CFTR: variants seen among roughly 807,000 people sequenced by gnomAD.
CFTR encodes cystic fibrosis transmembrane conductance regulator.
Under a neutral mutation model 171.6 loss-of-function variants are expected in CFTR, and 181 were observed. The observed-to-expected ratio is 1.05, with a 90% CI of 0.93 to 1.19. The LOEUF is 1.19. Among genes scored for constraint, CFTR ranks in the 50% most tolerant of loss-of-function variants. The pLI, the probability that CFTR is intolerant of heterozygous loss-of-function variation, is 0.00. For synonymous variants in CFTR, 583 were observed against 608.0 expected, an observed-to-expected ratio of 0.96 and a Z score of 0.60; for missense variants, 1,968 against 1,734.7, an observed-to-expected ratio of 1.13 and a Z score of -2.39.
At position 117,535,286 on chromosome 7, in the gene CFTR, G is replaced by A; in HGVS notation, c.618G>A (p.Leu206=). 1 of 1,613,732 alleles carries A rather than the reference G, an allele frequency of 6.2e-7. No homozygotes were observed. The change falls in exon 6 of 27, where the codon TTG becomes TTA. Residue 206 remains leucine (L), a synonymous_variant. Coordinates refer to ENST00000003084, the MANE Select transcript of CFTR (RefSeq NM_000492.4). ...ALAHFVWIAP[L]QVALLMGLIW... is the part of the protein sequence containing the mutation. ...CACATTTCGTGTGGATCGCTCCTTT[G>A]CAAGTGGCACTCCTCATGGGGCTAA...
At chr7:117,665,408 A>T (rs114919570) in intron 25 of CFTR, 51 bp from the exon 26 acceptor site, 1 of 1,038,090 alleles carries the variant, frequency 9.6e-7, no homozygotes, top group Non-Finnish European at 1.5e-6. Flanking sequence ...AGGTAAATAC[A>T]GATCATTACT....
At chr7:117,597,465 C>T (rs1381101058) in intron 15 of CFTR, among the ~76,000 whole-genome samples, 4 of 152,124 alleles carry the variant, frequency 2.6e-5, no homozygotes, top group Non-Finnish European at 4.4e-5. Context: ...TTGTCTTGGG[C>T]CACACATAAA....
Position 117,591,932 on chromosome 7 carries a change from A to C in CFTR, c.1767-2A>C. The C allele has an allele frequency of 6.4e-7, 1 of 1,557,506 alleles. No individual in the cohort carries two copies. The highest frequency in any genetic ancestry group is 1.2e-5 in the South Asian group (1 of 83,836). Reference sequence around the variant, plus strand: ...ATATTTATATGTTTTTATATCTTAAAGCTGTGTCTGTAAACTGATGGCTAA... The same window carrying C: ...ATATTTATATGTTTTTATATCTTAACGCTGTGTCTGTAAACTGATGGCTAA... On this transcript the variant is annotated splice_acceptor_variant, in intron 13 of 26. Coordinates refer to ENST00000003084, the MANE Select transcript of CFTR (RefSeq NM_000492.4). LOFTEE classifies it high-confidence loss of function.
intron 22 of CFTR, among the ~76,000 whole-genome samples, chr7:117,630,495 C>T (rs926889458): frequency 1.3e-5 from 2 of 152,062 alleles, no homozygotes; most frequent in African/African-American, 4.8e-5. Flanking sequence ...AATTTAGGCA[C>T]ACAGATACAT....
At position 117,536,045 on chromosome 7, in the gene CFTR, A is replaced by C. The variant is rs149026785; in HGVS notation, c.744-503A>C. ...TTATTAGCTTTTACTACTCTGGTTTATGGATCATCACACCAGAGCCTTAGT... is the reference window on the plus strand; with the variant it reads ...TTATTAGCTTTTACTACTCTGGTTTCTGGATCATCACACCAGAGCCTTAGT... On this transcript the variant is annotated intron_variant, in intron 6 of 26. Coordinates refer to ENST00000003084, the MANE Select transcript of CFTR (RefSeq NM_000492.4). Among the ~76,000 whole-genome samples, 8 of 152,318 alleles carry C rather than the reference A, an allele frequency of 5.3e-5. No homozygotes were observed. In the East Asian group the frequency reaches 1.5e-3, roughly 29 times the overall value.
intron 3 of CFTR, among the ~76,000 whole-genome samples, chr7:117,522,836 T>TA (rs4148693): frequency 2.9e-4 from 43 of 148,226 alleles, no homozygotes; most frequent in East Asian, 1.4e-3. Flanking sequence ...TTTTTCCAAA[T>TA]AAAAAAAAAA....
chr7:117,594,023 A>AGGAT (rs1792080454), intron 14 of CFTR, among the ~76,000 whole-genome samples: 1 of 152,212 alleles, frequency 6.6e-6, no homozygotes, highest in Non-Finnish European at 1.5e-5. Flanking sequence ...AATGGATTGC[A>AGGAT]TCTAGTGCTA....
chr7:117,533,072 T>C (rs1798888710), intron 4 of CFTR, among the ~76,000 whole-genome samples: 2 of 152,178 alleles, frequency 1.3e-5, no homozygotes, highest in African/African-American at 4.8e-5. Context: ...GCCTATACTT[T>C]TCAAGAATGC....
intron 12 of CFTR, 148 bp from the exon 13 acceptor site, chr7:117,590,205 G>A (rs935010402): frequency 2.4e-6 from 2 of 848,002 alleles, no homozygotes; most frequent in Non-Finnish European, 3.5e-6. Flanking sequence ...TGCTACTTCT[G>A]CACCACTTTT....
At position 117,667,508 on chromosome 7, in the gene CFTR, T is replaced by C. The variant is rs1793405572; in HGVS notation, c.*400T>C. On this transcript the variant is annotated 3_prime_UTR_variant, in exon 27 of 27. Coordinates refer to ENST00000003084, the MANE Select transcript of CFTR (RefSeq NM_000492.4). ...TGTTGGAGAAGAACTGAAATCATACTTCTTAGGGTTATGATTAAGTAATGA... is the reference window on the plus strand; with the variant it reads ...TGTTGGAGAAGAACTGAAATCATACCTCTTAGGGTTATGATTAAGTAATGA... The C allele has an allele frequency of 3.1e-6, 1 of 321,626 alleles. No homozygotes were observed. Among genetic ancestry groups the C allele is most frequent in the Admixed American group, 4.4e-5 (1 of 22,772 alleles). 19.9% of individuals were successfully genotyped at this position (321,626 alleles called of 1,614,324 possible).
At chr7:117,538,418 C>T (rs1798993034) in intron 7 of CFTR, among the ~76,000 whole-genome samples, 1 of 152,080 alleles carries the variant, frequency 6.6e-6, no homozygotes, top group Admixed American at 6.6e-5. Flanking sequence ...AATCTACTTT[C>T]TGGGTGATTC....
chr7:117,543,410 T>A (rs556626936), intron 9 of CFTR, among the ~76,000 whole-genome samples: 10 of 152,154 alleles, frequency 6.6e-5, no homozygotes, highest in Non-Finnish European at 1.5e-4. Context: ...TACTTTCAGG[T>A]CATTATTTTC....
intron 21 of CFTR, among the ~76,000 whole-genome samples, chr7:117,618,350 G>T (rs774420390): frequency 1.3e-5 from 2 of 151,978 alleles, no homozygotes; most frequent in South Asian, 4.1e-4. Context: ...TTACCTGGCC[G>T]TGGTGGCATG....
Position 117,536,906 on chromosome 7 carries a change from C to A in CFTR, c.869+233C>A, listed in dbSNP as rs35071293. Among the ~76,000 whole-genome samples the A allele has an allele frequency of 0.037, 5,659 of 152,092 alleles. 144 individuals carry two copies. The highest frequency in any genetic ancestry group is 0.045 in the African/African-American group (1,879 of 41,494). On this transcript the variant is annotated intron_variant, in intron 7 of 26. Transcript: ENST00000003084. ...ATGCTGCAAGTATATTATACTGATA[C>A]GTTATTAAAGAATTTCCTACATATG... is the stretch of plus-strand genomic sequence containing the variant.
intron 2 of CFTR, among the ~76,000 whole-genome samples, chr7:117,506,377 G>T (rs1214930397): frequency 2.6e-5 from 4 of 152,098 alleles, no homozygotes; most frequent in Non-Finnish European, 5.9e-5. Context: ...CTCTCGAGTA[G>T]CTGGGTTTAC....
chr7:117,626,043 G>A (rs1023939598), intron 21 of CFTR, among the ~76,000 whole-genome samples: 2 of 151,970 alleles, frequency 1.3e-5, no homozygotes, highest in African/African-American at 4.8e-5. Context: ...GTTAACAGTG[G>A]GCTTGACTTC....
intron 3 of CFTR, among the ~76,000 whole-genome samples, chr7:117,513,518 T>C (rs1798553596): frequency 6.6e-6 from 1 of 151,552 alleles, no homozygotes; most frequent in Non-Finnish European, 1.5e-5. Context: ...TCCCACAAAA[T>C]ACAGCTTTGC....
intron 14 of CFTR, 142 bp downstream of exon 14, chr7:117,592,799 A>G: frequency 1.6e-6 from 1 of 623,278 alleles, no homozygotes; most frequent in Non-Finnish European, 2.4e-6. Context: ...GAAGTTCATT[A>G]ATTATACAAG....
chr7:117,499,919 A>G (rs950120218), intron 1 of CFTR, among the ~76,000 whole-genome samples: 2 of 152,160 alleles, frequency 1.3e-5, no homozygotes, highest in Non-Finnish European at 2.9e-5. Flanking sequence ...GGAGGTTATG[A>G]ATGAAAGAGA....
Sources: gnomAD v4.1 joint callset for allele counts (sites outside exome capture counted in the v4.1 genomes callset) on GRCh38, gnomAD v4.1.1 for gene constraint, MANE v1.5 for transcripts, NCBI Gene and HGNC (gene_info 2026-07-23, HGNC 2026-07-21) for gene names.